The following AMPH variants were observed in gnomAD, a reference collection of about 807,000 sequenced individuals.
The protein encoded by AMPH is amphiphysin.
In AMPH, 49 loss-of-function variants were observed where a neutral mutation model predicts 99.1. The observed-to-expected ratio is 0.49, with a 90% CI of 0.39 to 0.63. AMPH has a LOEUF of 0.63. Among genes scored for constraint, AMPH ranks in the 20% least tolerant of loss-of-function variants. AMPH has a pLI of 0.00. For missense variants in AMPH, 759 were observed against 863.4 expected (o/e 0.88, Z 1.52); for synonymous variants, 314 against 317.3 (o/e 0.99, Z 0.11).
intron 11 of AMPH, among the ~76,000 whole-genome samples, chr7:38,461,046 T>G (rs1787419387): frequency 6.6e-6 from 1 of 152,208 alleles, no homozygotes; most frequent in South Asian, 2.1e-4. Context: ...CTTTTCAATA[T>G]TTTTCCAATT....
intron 1 of AMPH, among the ~76,000 whole-genome samples, chr7:38,541,533 T>C (rs1278565160): frequency 6.6e-6 from 1 of 152,214 alleles, no homozygotes; most frequent in Non-Finnish European, 1.5e-5. Context: ...TTTATTTCTA[T>C]ACCACTATGA....
chr7:38,460,079 T>C (rs1347905230), intron 11 of AMPH, among the ~76,000 whole-genome samples: 1 of 152,116 alleles, frequency 6.6e-6, no homozygotes, highest in Non-Finnish European at 1.5e-5. Flanking sequence ...CCAACAGATA[T>C]ATAAAAACAT....
At chr7:38,623,867 T>C (rs1794151599) in intron 1 of AMPH, among the ~76,000 whole-genome samples, 2 of 152,234 alleles carry the variant, frequency 1.3e-5, no homozygotes, top group Admixed American at 6.5e-5. Context: ...CATTGTTTTC[T>C]TACCATATCA....
chr7:38,479,153 C>G (rs571749561), intron 5 of AMPH, among the ~76,000 whole-genome samples: 25 of 152,050 alleles, frequency 1.6e-4, no homozygotes, highest in Admixed American at 5.2e-4. Flanking sequence ...AAACAATACA[C>G]ATCTAAATAC....
In AMPH at chr7:38,417,941, C is replaced by A; in HGVS notation, c.1282G>T (p.Glu428Ter). Residue 428 changes from glutamate (E) to a stop codon, truncating the protein, a stop_gained, in exon 17 of 21, where the codon GAA becomes TAA. Transcript: ENST00000356264. LOFTEE classifies it high-confidence loss of function. ...QSMICNLAES[E>*]QAPPTEPKAE... ...TTTGGCTCTGTGGGTGGAGCCTGTT[C>A]AGATTCAGCCTTGGAGTGTTTGTTT... The A allele has an allele frequency of 1.2e-6, 2 of 1,613,874 alleles. No homozygotes were observed. The highest frequency in any genetic ancestry group is 2.2e-5 in the South Asian group (2 of 91,010).
At chr7:38,600,508 T>C (rs1283681070) in intron 1 of AMPH, among the ~76,000 whole-genome samples, 1 of 152,216 alleles carries the variant, frequency 6.6e-6, no homozygotes. Context: ...AAAACAGGAA[T>C]GAGTGGTGAA....
At chr7:38,448,974 T>C (rs1786899780) in intron 11 of AMPH, among the ~76,000 whole-genome samples, 1 of 152,178 alleles carries the variant, frequency 6.6e-6, no homozygotes, top group South Asian at 2.1e-4. Flanking sequence ...TTTACATATA[T>C]TATGACTAAT....
At chr7:38,605,943 A>G (rs1408113299) in intron 1 of AMPH, among the ~76,000 whole-genome samples, 1 of 152,180 alleles carries the variant, frequency 6.6e-6, no homozygotes, top group African/African-American at 2.4e-5. Context: ...GTGCGAGTCT[A>G]TGGCCATCCC....
At chr7:38,588,553 GCAC>G (rs1562846950) in intron 1 of AMPH, among the ~76,000 whole-genome samples, 2 of 151,980 alleles carry the variant, frequency 1.3e-5, no homozygotes, top group Non-Finnish European at 2.9e-5. Context: ...CATGTTAATG[GCAC>G]CACATCAAAA....
intron 1 of AMPH, among the ~76,000 whole-genome samples, chr7:38,543,912 G>A (rs1216450399): frequency 3.3e-5 from 5 of 152,030 alleles, no homozygotes; most frequent in African/African-American, 4.8e-5. Flanking sequence ...GGAAGAAATC[G>A]CAATACCCAT....
intron 5 of AMPH, among the ~76,000 whole-genome samples, chr7:38,486,098 A>C (rs1423243373): frequency 6.6e-6 from 1 of 151,858 alleles, no homozygotes; most frequent in Non-Finnish European, 1.5e-5. Flanking sequence ...GATAAAGATT[A>C]GAGTGGAAAT....
At chr7:38,588,893 G>T (rs1361282957) in intron 1 of AMPH, among the ~76,000 whole-genome samples, 1 of 151,978 alleles carries the variant, frequency 6.6e-6, no homozygotes, top group Non-Finnish European at 1.5e-5. Context: ...TACTTAATGG[G>T]CATCTGAAGT....
intron 2 of AMPH, among the ~76,000 whole-genome samples, chr7:38,515,880 T>C (rs960064054): frequency 6.6e-6 from 1 of 152,168 alleles, no homozygotes; most frequent in Admixed American, 6.5e-5. Context: ...GCAAAGGTCA[T>C]TTGTGTAATT....
intron 1 of AMPH, among the ~76,000 whole-genome samples, chr7:38,573,763 T>C (rs1007516865): frequency 6.6e-6 from 1 of 152,224 alleles, no homozygotes; most frequent in African/African-American, 2.4e-5. Flanking sequence ...TCAATAAAAA[T>C]AGTTAATGCT....
At chr7:38,389,473 G>A (rs926363036) in intron 20 of AMPH, among the ~76,000 whole-genome samples, 3 of 152,144 alleles carry the variant, frequency 2.0e-5, no homozygotes, top group Non-Finnish European at 4.4e-5. Context: ...CACACCCAGA[G>A]GCAACCACTT....
chr7:38,596,464 T>C (rs1793063558), intron 1 of AMPH, among the ~76,000 whole-genome samples: 1 of 152,130 alleles, frequency 6.6e-6, no homozygotes, highest in Non-Finnish European at 1.5e-5. Flanking sequence ...GTTGAGACAC[T>C]ACTGAGAGGT....
intron 12 of AMPH, among the ~76,000 whole-genome samples, chr7:38,433,744 A>AAAAAAAAAAG (rs1562751901): frequency 2.0e-5 from 3 of 147,490 alleles, no homozygotes; most frequent in African/African-American, 7.7e-5. Context: ...AAAAAAAAAA[A>AAAAAAAAAAG]AAGAATCAAA....
At chr7:38,508,544 A>G (rs772337695) in intron 2 of AMPH, among the ~76,000 whole-genome samples, 3 of 152,228 alleles carry the variant, frequency 2.0e-5, no homozygotes, top group Non-Finnish European at 4.4e-5. Context: ...GTAAGCTGAC[A>G]TTTTGAAAAG....
chr7:38,511,074 GGAT>G (rs1482994387), intron 2 of AMPH, among the ~76,000 whole-genome samples: 2 of 152,064 alleles, frequency 1.3e-5, no homozygotes, highest in East Asian at 3.9e-4. Context: ...TATTAAATGA[GGAT>G]GATAACAGTA....
Sources: gnomAD v4.1 joint callset for allele counts (sites outside exome capture counted in the v4.1 genomes callset) on GRCh38, gnomAD v4.1.1 for gene constraint, MANE v1.5 for transcripts, NCBI Gene and HGNC (gene_info 2026-07-23, HGNC 2026-07-21) for gene names.